Variants in ENOSF1 observed in about 807,000 individuals in gnomAD.
ENOSF1 encodes mitochondrial enolase superfamily member 1.
ENOSF1 carries 73 observed loss-of-function variants against 68.2 expected under a neutral mutation model. That is an observed-to-expected ratio of 1.07 (90% CI 0.89 to 1.30). The LOEUF (loss-of-function observed/expected upper bound fraction) is 1.30, where lower values mean the gene tolerates loss of function less well. ENOSF1 is among the 50% of genes most tolerant of loss of function. The pLI is 0.00. For synonymous variants in ENOSF1, 223 were observed against 210.4 expected, an observed-to-expected ratio of 1.06 and a Z score of -0.52; for missense variants, 589 against 554.5, an observed-to-expected ratio of 1.06 and a Z score of -0.62.
chr18:683,525 G>T, intron 10 of ENOSF1, 145 bp from the exon 11 acceptor site: 2 of 863,674 alleles, frequency 2.3e-6, no homozygotes, highest in Non-Finnish European at 1.8e-6. Context: ...CCCAGCACAC[G>T]GCCCTAACAA....
chr18:691,299 A>G, intron 5 of ENOSF1, 23 bp from the exon 6 acceptor site: 1 of 1,587,424 alleles, frequency 6.3e-7, no homozygotes, highest in Non-Finnish European at 8.6e-7. Context: ...CAGGAGGGGA[A>G]GAGGCCTGAA....
chr18:696,989 T>G (rs1305810838), intron 3 of ENOSF1, among the ~76,000 whole-genome samples: 1 of 152,012 alleles, frequency 6.6e-6, no homozygotes, highest in South Asian at 2.1e-4. Context: ...TGCTAGTGCA[T>G]GCCTGTAGTC....
downstream of ENOSF1, among the ~76,000 whole-genome samples, chr18:667,511 T>TGATGGTGATGGTGATGGA (rs1567990844): frequency 2.2e-5 from 1 of 46,034 alleles, no homozygotes; most frequent in Non-Finnish European, 3.8e-5. Flanking sequence ...ATGGTGATGG[T>TGATGGTGATGGTGATGGA]GATGGTGATG....
chr18:707,851 T>TTTA (rs142922567), intron 1 of ENOSF1, among the ~76,000 whole-genome samples: 30 of 150,212 alleles, frequency 2.0e-4, no homozygotes, highest in Non-Finnish European at 3.1e-4. Flanking sequence ...TAAATAATGT[T>TTTA]TTATTATTAT....
intron 5 of ENOSF1, chr18:692,282 T>G (rs12968285): frequency 0.25 from 37,970 of 151,950 alleles, 5,366 homozygotes; most frequent in East Asian, 0.58. Context: ...TCGAAAATCC[T>G]AAAAACTCTT....
At chr18:675,195 C>T (rs867510028) in intron 15 of ENOSF1, 126 bp downstream of exon 15, 32 of 742,882 alleles carry the variant, frequency 4.3e-5, no homozygotes, top group Non-Finnish European at 5.4e-5. Context: ...ACTGAAGAAC[C>T]GTTTGTTAGT....
rs769094790 is a variant in ENOSF1 at position 691,125 on chromosome 18, A to C, written c.497-19T>G. The C allele has an allele frequency of 3.1e-6, 5 of 1,614,106 alleles. No individual in the cohort carries two copies. Among genetic ancestry groups the C allele is most frequent in the South Asian group, 2.2e-5 (2 of 91,080 alleles). On this transcript the variant is annotated intron_variant, in intron 6 of 15. Coordinates refer to ENST00000647584, the MANE Select transcript of ENOSF1 (RefSeq NM_017512.7). ...AGTATTTCTGGAAGAAATAAAAAGC[A>C]TCACTCACTCTTTTAGGAAACAAAG...
At chr18:664,177 T>A in the ENOSF1 span, among the ~76,000 whole-genome samples, 1 of 152,090 alleles carries the variant, frequency 6.6e-6, no homozygotes. Flanking sequence ...TTTCTTTGTA[T>A]CCTCTTTTAT....
chr18:667,083 T>A (rs867169319), downstream of ENOSF1, among the ~76,000 whole-genome samples: 5 of 52,342 alleles, frequency 9.6e-5, no homozygotes, highest in Non-Finnish European at 1.0e-4. Flanking sequence ...ATGGAGATGG[T>A]GATGGTGATG....
intron 14 of ENOSF1, 42 bp downstream of exon 14, chr18:677,303 G>A: frequency 6.6e-7 from 1 of 1,524,376 alleles, no homozygotes; most frequent in Non-Finnish European, 9.1e-7. Flanking sequence ...CTGGATTGAG[G>A]GACCCTACTG....
intron 2 of ENOSF1, among the ~76,000 whole-genome samples, chr18:699,626 C>T (rs1048097068): frequency 6.6e-5 from 10 of 152,182 alleles, no homozygotes; most frequent in Admixed American, 4.6e-4. Context: ...TGAATCAAGC[C>T]ATCAACTTAG....
At chr18:697,100 G>T in intron 3 of ENOSF1, 140 bp downstream of exon 3, 1 of 686,692 alleles carries the variant, frequency 1.5e-6, no homozygotes, top group Non-Finnish European at 2.6e-6. Context: ...GTGGGTGACA[G>T]AGTGAGACTC....
chr18:665,707 A>G (rs2074805418), downstream of ENOSF1, among the ~76,000 whole-genome samples: 1 of 94,396 alleles, frequency 1.1e-5, no homozygotes. Context: ...AGATTCTGGT[A>G]TGTTGTGTCT....
At chr18:692,839 T>C (rs1598688308) in intron 5 of ENOSF1, 1 of 1,074,294 alleles carries the variant, frequency 9.3e-7, no homozygotes, top group Non-Finnish European at 1.1e-6. Context: ...CCACTCTCCA[T>C]GTCAGAGACG....
intron 1 of ENOSF1, among the ~76,000 whole-genome samples, chr18:707,168 G>T (rs1040656548): frequency 1.3e-5 from 2 of 152,032 alleles, no homozygotes; most frequent in African/African-American, 4.8e-5. Context: ...AAAAAATGAG[G>T]CTCAATTTTA....
At position 673,115 on chromosome 18, in the gene ENOSF1, A is replaced by T. The variant is rs945760623; in HGVS notation, c.*1190T>A. 3.5e-6 allele frequency: 4 copies of T among 1,128,360 alleles called. No individual in the cohort carries two copies. The highest frequency in any genetic ancestry group is 2.2e-4 in the Middle Eastern group (1 of 4,588). The allele number at this position is 1,128,360 out of a possible 1,614,324, so 69.9% of individuals were successfully genotyped here. A position where few individuals can be genotyped will look rare whatever the true frequency, so the allele number is the denominator to read the frequency against. On this transcript the variant is annotated 3_prime_UTR_variant, in exon 16 of 16. Transcript: ENST00000647584. ...GAACTAGGTCAAAAATCTGTCCGTGACCTATCAGTTATTAATTTTTAAGGA... is the reference window on the plus strand; with the variant it reads ...GAACTAGGTCAAAAATCTGTCCGTGTCCTATCAGTTATTAATTTTTAAGGA...
chr18:690,826 C>A, intron 7 of ENOSF1, 195 bp from the exon 8 acceptor site: 1 of 1,426,232 alleles, frequency 7.0e-7, no homozygotes. Context: ...GCCCTGCTCC[C>A]CCAGGGCTCT....
chr18:709,581 GACA>G (rs1568151555), intron 1 of ENOSF1, among the ~76,000 whole-genome samples: 1 of 152,076 alleles, frequency 6.6e-6, no homozygotes, highest in African/African-American at 2.4e-5. Context: ...GACCAGCCTG[GACA>G]ACATGGTGAA....
downstream of ENOSF1, among the ~76,000 whole-genome samples, chr18:667,475 T>A (rs867379260): frequency 1.5e-3 from 20 of 13,602 alleles, 1 homozygote; most frequent in Non-Finnish European, 2.0e-3. Flanking sequence ...ATGGTGATGG[T>A]GATGGTGATG....
Sources: allele counts gnomAD v4.1 joint callset (sites outside exome capture counted in the v4.1 genomes callset), GRCh38; gene constraint gnomAD v4.1.1; transcripts MANE v1.5; gene names NCBI Gene and HGNC (gene_info 2026-07-23, HGNC 2026-07-21).